The following SORCS1 variants were observed in gnomAD, a reference collection of about 807,000 sequenced individuals.
SORCS1 encodes sortilin related VPS10 domain containing receptor 1, also known as VPS10 domain-containing receptor SorCS1.
SORCS1 carries 60 observed loss-of-function variants against 146.1 expected under a neutral mutation model. The observed-to-expected ratio is 0.41, with a 90% CI of 0.33 to 0.51. SORCS1 has a LOEUF of 0.51. Ranked by LOEUF, SORCS1 falls within the 20% of genes least tolerant of loss-of-function variation. The pLI is 0.21. For synonymous variants in SORCS1, 637 were observed against 584.0 expected (o/e 1.09, Z -1.31); for missense variants, 1,352 against 1,487.6 (o/e 0.91, Z 1.50).
At chr10:106,850,380 C>T (rs987489845) in intron 2 of SORCS1, among the ~76,000 whole-genome samples, 11 of 151,780 alleles carry the variant, frequency 7.2e-5, no homozygotes, top group African/African-American at 1.7e-4. Flanking sequence ...TTCTTTGACT[C>T]GGAAAGGGAA....
At chr10:106,746,073 T>C (rs1857718875) in intron 5 of SORCS1, among the ~76,000 whole-genome samples, 1 of 152,108 alleles carries the variant, frequency 6.6e-6, no homozygotes, top group Non-Finnish European at 1.5e-5. Flanking sequence ...ACGGAGGAAC[T>C]CCTATGGATT....
At chr10:106,935,482 T>C (rs1953665583) in intron 2 of SORCS1, among the ~76,000 whole-genome samples, 1 of 152,158 alleles carries the variant, frequency 6.6e-6, no homozygotes, top group Non-Finnish European at 1.5e-5. Context: ...CAACCAATAA[T>C]GAGTTATAAT....
chr10:106,715,236 TTAA>T (rs1440878734), intron 6 of SORCS1, among the ~76,000 whole-genome samples: 4 of 152,234 alleles, frequency 2.6e-5, no homozygotes, highest in African/African-American at 9.6e-5. Context: ...TTGGCATTAA[TTAA>T]TGTCAATTAA....
chr10:106,908,780 T>C (rs1034991326), intron 2 of SORCS1, among the ~76,000 whole-genome samples: 1 of 152,272 alleles, frequency 6.6e-6, no homozygotes, highest in Non-Finnish European at 1.5e-5. Context: ...ACAGCTCCGC[T>C]TTTCCCAGTC....
intron 1 of SORCS1, among the ~76,000 whole-genome samples, chr10:107,020,920 T>C (rs909232970): frequency 1.1e-4 from 16 of 152,216 alleles, no homozygotes; most frequent in African/African-American, 3.9e-4. Context: ...CGCTTTTATT[T>C]ATAGATATAG....
At chr10:106,863,552 G>T (rs1589581507) in intron 2 of SORCS1, among the ~76,000 whole-genome samples, 1 of 148,276 alleles carries the variant, frequency 6.7e-6, no homozygotes, top group African/African-American at 2.5e-5. Context: ...TGCTTACAGA[G>T]AATGCATTCC....
intron 1 of SORCS1, among the ~76,000 whole-genome samples, chr10:107,066,391 T>A (rs1961859862): frequency 6.6e-6 from 1 of 152,198 alleles, no homozygotes; most frequent in Non-Finnish European, 1.5e-5. Flanking sequence ...CAAATAAAAA[T>A]GTTTTTGAGT....
At chr10:107,148,742 C>A (rs1968534740) in intron 1 of SORCS1, among the ~76,000 whole-genome samples, 1 of 152,120 alleles carries the variant, frequency 6.6e-6, no homozygotes, top group South Asian at 2.1e-4. Context: ...CTTCTCCCTG[C>A]CCTAAGATTT....
chr10:106,940,096 G>A (rs112854052), intron 2 of SORCS1, among the ~76,000 whole-genome samples: 2,938 of 152,292 alleles, frequency 0.019, 50 homozygotes, highest in Non-Finnish European at 0.033. Context: ...CAGCACTCAC[G>A]AAAGCATCAT....
intron 1 of SORCS1, among the ~76,000 whole-genome samples, chr10:107,007,808 C>T (rs1363910196): frequency 1.3e-5 from 2 of 150,876 alleles, no homozygotes; most frequent in Non-Finnish European, 2.9e-5. Flanking sequence ...GAATACCATG[C>T]GAGGCTCAGG....
chr10:106,818,369 ATT>A (rs1252277188), intron 3 of SORCS1, among the ~76,000 whole-genome samples: 12 of 143,346 alleles, frequency 8.4e-5, no homozygotes, highest in East Asian at 2.0e-4. Context: ...GGTCATGAGG[ATT>A]TTTTTTTTTT....
chr10:107,033,324 G>A lies in SORCS1; in HGVS notation c.559-76744C>T, dbSNP rs569298279. Among the ~76,000 whole-genome samples the A allele has an allele frequency of 1.1e-4, 16 of 152,156 alleles. No individual in the cohort carries two copies. In the South Asian group the frequency reaches 2.7e-3, roughly 26 times the overall value. On this transcript the variant is annotated intron_variant, in intron 1 of 25. Coordinates refer to ENST00000263054, the MANE Select transcript of SORCS1 (RefSeq NM_052918.5). ...GGCCCCTCCTCCAACACTGAGGATC[G>A]CAACTCGAAATGAGATTTGAGTGGG...
chr10:106,678,462 A>G (rs1449690779), intron 12 of SORCS1, among the ~76,000 whole-genome samples: 1 of 152,216 alleles, frequency 6.6e-6, no homozygotes, highest in African/African-American at 2.4e-5. Context: ...ACCTCTGACT[A>G]AAATTTAAAG....
chr10:106,867,637 C>A (rs1471151922), intron 2 of SORCS1, among the ~76,000 whole-genome samples: 1 of 152,326 alleles, frequency 6.6e-6, no homozygotes, highest in South Asian at 2.1e-4. Context: ...TCATATCTGG[C>A]CCAACTAACT....
chr10:106,835,739 C>T (rs556926869), intron 2 of SORCS1, among the ~76,000 whole-genome samples: 34 of 152,142 alleles, frequency 2.2e-4, no homozygotes, highest in Non-Finnish European at 3.5e-4. Flanking sequence ...GGTGTGATGG[C>T]TCATGTCTGT....
At chr10:107,156,081 G>T (rs1185455435) in intron 1 of SORCS1, among the ~76,000 whole-genome samples, 2 of 152,062 alleles carry the variant, frequency 1.3e-5, no homozygotes, top group East Asian at 3.9e-4. Flanking sequence ...AAGTGTCAGT[G>T]ACCTGACAAT....
chr10:107,156,548 A>T (rs1969295741), intron 1 of SORCS1, among the ~76,000 whole-genome samples: 1 of 152,212 alleles, frequency 6.6e-6, no homozygotes, highest in Admixed American at 6.5e-5. Context: ...GTTGTCCCTG[A>T]TATTCAGCAA....
intron 1 of SORCS1, among the ~76,000 whole-genome samples, chr10:107,090,896 A>G (rs1964135119): frequency 6.6e-6 from 1 of 150,680 alleles, no homozygotes; most frequent in Non-Finnish European, 1.5e-5. Flanking sequence ...ATTGTCCAAT[A>G]CAGCCAGGTA....
intron 6 of SORCS1, among the ~76,000 whole-genome samples, chr10:106,721,008 G>T (rs566399379): frequency 6.6e-6 from 1 of 151,744 alleles, no homozygotes; most frequent in Non-Finnish European, 1.5e-5. Flanking sequence ...AGGTCAAGTG[G>T]ATATCACTAG....
Sources: gnomAD v4.1 joint callset for allele counts (sites outside exome capture counted in the v4.1 genomes callset) on GRCh38, gnomAD v4.1.1 for gene constraint, MANE v1.5 for transcripts, NCBI Gene and HGNC (gene_info 2026-07-23, HGNC 2026-07-21) for gene names.